The following WIPF1 variants were observed in gnomAD, a reference collection of about 807,000 sequenced individuals.
The protein encoded by WIPF1 is WAS/WASL interacting protein family member 1, also known as WAS/WASL-interacting protein family member 1.
In WIPF1, 13 loss-of-function variants were observed where a neutral mutation model predicts 35.4. The ratio of observed to expected loss-of-function variants is 0.37; its 90% CI spans 0.24 to 0.58. WIPF1 has a LOEUF of 0.58. Among genes scored for constraint, WIPF1 ranks in the 20% least tolerant of loss-of-function variants. The pLI, the probability that WIPF1 is intolerant of heterozygous loss-of-function variation, is 0.74. For missense variants in WIPF1, 591 were observed against 667.0 expected (o/e 0.89, Z 1.25); for synonymous variants, 267 against 266.3 (o/e 1.00, Z -0.02).
In WIPF1 at chr2:174,561,557, TGA is replaced by T. The variant is rs1274283581; in HGVS notation, c.*988_*989del. 6.5e-6 allele frequency: 1 copy of T among 153,282 alleles called. No homozygotes were observed. The highest frequency in any genetic ancestry group is 2.4e-5 in the African/African-American group (1 of 41,464). The allele number at this position is 153,282 out of a possible 1,614,324, so 9.5% of individuals were successfully genotyped here. The stretch of plus-strand genomic sequence containing the variant: ...TAGTAAACCGTACTCAATCAATTTC[TGA>T]CCTTGGTACTTTGAAGCAACACTTG... On this transcript the variant is annotated 3_prime_UTR_variant, in exon 8 of 8. Coordinates refer to ENST00000679041, the MANE Select transcript of WIPF1 (RefSeq NM_001375834.1).
intron 1 of WIPF1, 120 bp from the exon 2 acceptor site, chr2:174,585,731 C>A: frequency 1.4e-6 from 1 of 712,012 alleles, no homozygotes. Context: ...AAGAGATGGG[C>A]TTACCTTTAC....
chr2:174,632,528 G>A (rs1203450415), intron 1 of WIPF1, among the ~76,000 whole-genome samples: 1 of 151,804 alleles, frequency 6.6e-6, no homozygotes, highest in Non-Finnish European at 1.5e-5. Flanking sequence ...TGACCAACAC[G>A]GTGAAACCCC....
chr2:174,682,256 G>A (rs1688267868), intron 1 of WIPF1, among the ~76,000 whole-genome samples: 1 of 152,150 alleles, frequency 6.6e-6, no homozygotes, highest in Admixed American at 6.5e-5. Flanking sequence ...AGGGCCGGGA[G>A]GGAGGCGGGC....
chr2:174,653,354 A>G (rs551737711), intron 1 of WIPF1, among the ~76,000 whole-genome samples: 5 of 152,258 alleles, frequency 3.3e-5, no homozygotes, highest in Admixed American at 3.3e-4. Flanking sequence ...ATTTTGGGAT[A>G]GAAATGGAGC....
rs1252922887 is a variant in WIPF1 at position 174,572,157 on chromosome 2, C to T, written c.648G>A (p.Gly216=). The stretch of plus-strand genomic sequence containing the variant: ...TTCCAGGGAAAGGGGGAGGAGTGGG[C>T]CCGGGGCTGGGCTGCCTGGGGCCTC... The part of the protein sequence containing the change: ...VPGGPRQPSP[G]PTPPPFPGNR... Residue 216 remains glycine, a synonymous_variant, in exon 5 of 8, where the codon GGG becomes GGA. Coordinates refer to ENST00000679041, the MANE Select transcript of WIPF1 (RefSeq NM_001375834.1). 1 of 1,613,422 alleles carries T rather than the reference C, an allele frequency of 6.2e-7. No homozygotes were observed. Among genetic ancestry groups the T allele is most frequent in the South Asian group, 1.1e-5 (1 of 91,032 alleles).
At chr2:174,631,636 A>T (rs796095493) in intron 1 of WIPF1, among the ~76,000 whole-genome samples, 3 of 152,280 alleles carry the variant, frequency 2.0e-5, no homozygotes, top group African/African-American at 7.2e-5. Flanking sequence ...CTCCCCCAAA[A>T]CCTATAGTTC....
intron 1 of WIPF1, among the ~76,000 whole-genome samples, chr2:174,678,564 C>T (rs571800971): frequency 6.6e-6 from 1 of 152,388 alleles, no homozygotes; most frequent in Non-Finnish European, 1.5e-5. Flanking sequence ...GTGACCAAAG[C>T]AGCCTGGCCT....
chr2:174,581,323 T>G lies in WIPF1; in HGVS notation c.168A>C (p.Ala56=). ...LKKTVTNDRS[A]PILDKPKGAG... ...TTTTTTACTTACTGTCCAGTATTGG[T>G]GCACTTCTGTCATTGGTGACCGTCT... Residue 56 remains alanine, a synonymous_variant, in exon 3 of 8, where the codon GCA becomes GCC. Transcript: ENST00000679041. The G allele has an allele frequency of 6.2e-7, 1 of 1,614,106 alleles. No homozygotes were observed. Among genetic ancestry groups the G allele is most frequent in the Non-Finnish European group, 8.5e-7 (1 of 1,179,962 alleles).
chr2:174,617,353 A>G (rs1029869060), intron 1 of WIPF1, among the ~76,000 whole-genome samples: 1 of 152,252 alleles, frequency 6.6e-6, no homozygotes, highest in African/African-American at 2.4e-5. Flanking sequence ...CAATGTTTCC[A>G]GTGCTACTCT....
chr2:174,613,788 A>G (rs1686425284), intron 1 of WIPF1, among the ~76,000 whole-genome samples: 1 of 152,226 alleles, frequency 6.6e-6, no homozygotes, highest in Non-Finnish European at 1.5e-5. Flanking sequence ...CCTTTTGTTT[A>G]CAGAGGGATA....
intron 1 of WIPF1, among the ~76,000 whole-genome samples, chr2:174,620,482 A>G (rs920382923): frequency 6.6e-6 from 1 of 152,244 alleles, no homozygotes; most frequent in African/African-American, 2.4e-5. Flanking sequence ...AGAAAAAGTT[A>G]TTTTATAGAC....
At chr2:174,582,494 C>T (rs1685273431) in intron 2 of WIPF1, among the ~76,000 whole-genome samples, 1 of 152,230 alleles carries the variant, frequency 6.6e-6, no homozygotes, top group Non-Finnish European at 1.5e-5. Flanking sequence ...CAGTTAGGGC[C>T]ACAGGAGGAA....
At chr2:174,578,078 C>G (rs935549808) in intron 3 of WIPF1, among the ~76,000 whole-genome samples, 2 of 152,020 alleles carry the variant, frequency 1.3e-5, no homozygotes, top group African/African-American at 2.4e-5. Context: ...ACAGATAATT[C>G]TTTTTTGTGG....
intron 1 of WIPF1, among the ~76,000 whole-genome samples, chr2:174,631,672 T>G (rs1487852643): frequency 6.6e-6 from 1 of 152,196 alleles, no homozygotes; most frequent in African/African-American, 2.4e-5. Flanking sequence ...ATGATGGTGA[T>G]AACAATAATA....
chr2:174,599,071 T>G (rs952079917), upstream of WIPF1, among the ~76,000 whole-genome samples: 3 of 152,196 alleles, frequency 2.0e-5, no homozygotes, highest in African/African-American at 4.8e-5. Context: ...CTGATTCTGC[T>G]AGGATCAGAG....
In WIPF1 at chr2:174,585,595, C is replaced by T. The variant is rs778572221; in HGVS notation, c.-22G>A. On this transcript the variant is annotated 5_prime_UTR_variant, in exon 2 of 8. Coordinates refer to ENST00000679041, the MANE Select transcript of WIPF1 (RefSeq NM_001375834.1). Reference sequence around the variant, plus strand: ...GCATCTTGGGCAGTTATGCGTTCAACAGTCTTGCTGATAAATCTGGAAAAA... The same window carrying T: ...GCATCTTGGGCAGTTATGCGTTCAATAGTCTTGCTGATAAATCTGGAAAAA... 6.8e-6 allele frequency: 11 copies of T among 1,611,510 alleles called. No individual in the cohort carries two copies. The East Asian group carries it at 2.2e-4, about 33-fold the overall frequency.
At chr2:174,660,872 G>A (rs1457315108) in intron 1 of WIPF1, among the ~76,000 whole-genome samples, 1 of 152,202 alleles carries the variant, frequency 6.6e-6, no homozygotes, top group African/African-American at 2.4e-5. Flanking sequence ...TAAAGCCTGG[G>A]ACAGAAAAAG....
intron 1 of WIPF1, among the ~76,000 whole-genome samples, chr2:174,596,526 T>A (rs1272193527): frequency 1.1e-4 from 17 of 152,240 alleles, no homozygotes; most frequent in Non-Finnish European, 1.5e-5. Context: ...TGTCTTACTT[T>A]GCTTAGTTAG....
At chr2:174,676,315 C>CTTTTTTTTT (rs75689219) in intron 1 of WIPF1, 2 of 55,026 alleles carry the variant, frequency 3.6e-5, no homozygotes, top group African/African-American at 1.5e-4. Flanking sequence ...TCCCTCCCTT[C>CTTTTTTTTT]TTTTTTTTTT....
Sources: gnomAD v4.1 joint callset for allele counts (sites outside exome capture counted in the v4.1 genomes callset) on GRCh38, gnomAD v4.1.1 for gene constraint, MANE v1.5 for transcripts, NCBI Gene and HGNC (gene_info 2026-07-23, HGNC 2026-07-21) for gene names.